Variants in FAM193A observed in about 807,000 individuals in gnomAD.
The protein encoded by FAM193A is protein FAM193A.
Under a neutral mutation model 126.5 loss-of-function variants are expected in FAM193A, and 22 were observed. The observed-to-expected ratio is 0.17, with a 90% CI of 0.12 to 0.25. The LOEUF (loss-of-function observed/expected upper bound fraction) is 0.25, where lower values mean the gene tolerates loss of function less well. FAM193A is among the 10% of genes least tolerant of loss of function. FAM193A has a pLI of 1.00. For missense variants in FAM193A, 1,675 were observed against 1,672.8 expected, an observed-to-expected ratio of 1.00 and a Z score of -0.02; for synonymous variants, 761 against 646.8, an observed-to-expected ratio of 1.18 and a Z score of -2.68.
chr4:2,535,855 G>A (rs1489073626), upstream of FAM193A, among the ~76,000 whole-genome samples: 2 of 152,070 alleles, frequency 1.3e-5, no homozygotes, highest in Non-Finnish European at 2.9e-5. Context: ...TTTAGGCGAG[G>A]GGTTCTCGGG....
intron 13 of FAM193A, among the ~76,000 whole-genome samples, chr4:2,685,472 G>A (rs1015532703): frequency 6.6e-6 from 1 of 152,134 alleles, no homozygotes; most frequent in African/African-American, 2.4e-5. Flanking sequence ...TGTGATCTTC[G>A]ACCTGCATGT....
intron 1 of FAM193A, among the ~76,000 whole-genome samples, chr4:2,544,870 TA>T (rs939431812): frequency 9.3e-5 from 14 of 150,852 alleles, no homozygotes; most frequent in African/African-American, 2.7e-4. Context: ...GACCTCATCT[TA>T]AAAAAAAACA....
At chr4:2,725,540 A>C (rs1720647369) in intron 20 of FAM193A, among the ~76,000 whole-genome samples, 1 of 151,150 alleles carries the variant, frequency 6.6e-6, no homozygotes, top group South Asian at 2.1e-4. Flanking sequence ...CCCCCACCTC[A>C]AGCTGAGTAA....
rs1264190434 is a variant in FAM193A at position 2,700,312 on chromosome 4, C to T, written c.4140C>T (p.Leu1380=). The T allele has an allele frequency of 1.2e-6, 2 of 1,613,884 alleles. No individual in the cohort carries two copies. Among genetic ancestry groups the T allele is most frequent in the Non-Finnish European group, 1.7e-6 (2 of 1,180,010 alleles). ...AGTCAAAGGCTAAGGTGGTCGACCT[C>T]ATGTCCATCACAGAGCAGAAAAGAG... ...QTESKAKVVD[L]MSITEQKREE... Residue 1380 remains leucine, a synonymous_variant, in exon 19 of 21, where the codon CTC becomes CTT. Coordinates refer to ENST00000637812, the MANE Select transcript of FAM193A (RefSeq NM_001366318.2).
At position 2,672,303 on chromosome 4, in the gene FAM193A, T is replaced by C. The variant is rs1329005080; in HGVS notation, c.2262T>C (p.Thr754=). 5.0e-6 allele frequency: 8 copies of C among 1,614,094 alleles called. No individual in the cohort carries two copies. The Admixed American group carries it at 6.7e-5, about 13-fold the overall frequency. The change falls in exon 13 of 21, where the codon ACT becomes ACC. Residue 754 remains threonine, a synonymous_variant. Transcript: ENST00000637812. ...PHIHGHVPLH[T]VPHLPRPLIH... is the part of the protein sequence containing the mutation. ...TCCATGGACATGTGCCTTTGCACACTGTTCCACACCTGCCACGCCCTCTCA... is the reference window on the plus strand; with the variant it reads ...TCCATGGACATGTGCCTTTGCACACCGTTCCACACCTGCCACGCCCTCTCA...
intron 2 of FAM193A, among the ~76,000 whole-genome samples, chr4:2,615,742 C>T (rs1742143572): frequency 6.6e-6 from 1 of 152,194 alleles, no homozygotes; most frequent in Non-Finnish European, 1.5e-5. Flanking sequence ...TGGTCTTGAT[C>T]TCCTGACCTC....
intron 5 of FAM193A, among the ~76,000 whole-genome samples, chr4:2,636,000 A>T (rs1034110782): frequency 2.8e-5 from 4 of 144,936 alleles, no homozygotes; most frequent in Admixed American, 1.4e-4. Context: ...AAAAGGACGA[A>T]TTTTTTTTTT....
At chr4:2,719,488 G>A (rs1268693480) in intron 20 of FAM193A, among the ~76,000 whole-genome samples, 1 of 152,184 alleles carries the variant, frequency 6.6e-6, no homozygotes, top group African/African-American at 2.4e-5. Context: ...GCTCACGCCT[G>A]TAATCCCAGA....
chr4:2,601,227 C>T (rs368052033), intron 2 of FAM193A, among the ~76,000 whole-genome samples: 2 of 110,682 alleles, frequency 1.8e-5, no homozygotes, highest in South Asian at 3.1e-4. Flanking sequence ...TCTTCTTCTT[C>T]TTTTTTTTTT....
At chr4:2,721,437 A>T (rs922590620) in intron 20 of FAM193A, among the ~76,000 whole-genome samples, 8 of 151,772 alleles carry the variant, frequency 5.3e-5, no homozygotes, top group Non-Finnish European at 1.2e-4. Flanking sequence ...TCAGTGAGCT[A>T]TGCTTACGCC....
At chr4:2,708,488 G>A (rs1199268128) in intron 19 of FAM193A, among the ~76,000 whole-genome samples, 1 of 151,598 alleles carries the variant, frequency 6.6e-6, no homozygotes, top group African/African-American at 2.4e-5. Flanking sequence ...TTGAGATGGA[G>A]TTTCATTCTT....
At chr4:2,708,130 G>C in intron 19 of FAM193A, 1 of 447,852 alleles carries the variant, frequency 2.2e-6, no homozygotes, top group Non-Finnish European at 4.5e-6. Context: ...TTGTTTGTTT[G>C]TTTGTTTATT....
intron 15 of FAM193A, among the ~76,000 whole-genome samples, chr4:2,692,708 G>A (rs1716539511): frequency 6.6e-6 from 1 of 152,190 alleles, no homozygotes; most frequent in African/African-American, 2.4e-5. Context: ...GTTGGAAGAG[G>A]CTGGGTTAGT....
intron 6 of FAM193A, 76 bp from the exon 7 acceptor site, chr4:2,646,609 G>T: frequency 7.0e-7 from 1 of 1,437,588 alleles, no homozygotes; most frequent in Non-Finnish European, 9.4e-7. Context: ...GATAGTATCA[G>T]CAGGAAGCAC....
At chr4:2,676,446 T>C (rs971869276) in intron 13 of FAM193A, among the ~76,000 whole-genome samples, 1 of 152,262 alleles carries the variant, frequency 6.6e-6, no homozygotes, top group African/African-American at 2.4e-5. Flanking sequence ...TCATTGTTCA[T>C]TGACTATTCG....
intron 12 of FAM193A, among the ~76,000 whole-genome samples, chr4:2,670,426 G>A (rs761939877): frequency 1.6e-4 from 24 of 151,860 alleles, no homozygotes; most frequent in Non-Finnish European, 3.1e-4. Context: ...CCTGTTAACC[G>A]TTTGACTATT....
chr4:2,675,639 G>A (rs150251586), intron 13 of FAM193A, among the ~76,000 whole-genome samples: 7 of 152,114 alleles, frequency 4.6e-5, no homozygotes, highest in Admixed American at 1.3e-4. Context: ...ATTTATTATA[G>A]TAAAATATGC....
chr4:2,626,334 C>T (rs952869705), intron 3 of FAM193A, 76 bp from the exon 4 acceptor site: 1 of 659,416 alleles, frequency 1.5e-6, no homozygotes, highest in African/African-American at 1.8e-5. Flanking sequence ...CTGGGAGGTC[C>T]TCTGAGGACA....
Position 2,536,972 on chromosome 4 carries a change from CGGCGGCGGCTCG to C in FAM193A, c.63_74del (p.Ser23_Gly26del), listed in dbSNP as rs1736912675. On this transcript the variant is annotated inframe_deletion, in exon 1 of 21. Transcript: ENST00000637812. ...AGCGCCGGAAGAACAAGCGGGGCGG[CGGCGGCGGCTCG>C]GGCGGGGGTAACGGCGGCGCGAGCA... The C allele has an allele frequency of 6.7e-6, 1 of 148,994 alleles. No homozygotes were observed. Among genetic ancestry groups the C allele is most frequent in the Non-Finnish European group, 1.5e-5 (1 of 67,212 alleles). 9.2% of individuals were successfully genotyped at this position (148,994 alleles called of 1,614,324 possible).
Sources: gnomAD v4.1 joint callset for allele counts (sites outside exome capture counted in the v4.1 genomes callset) on GRCh38, gnomAD v4.1.1 for gene constraint, MANE v1.5 for transcripts, NCBI Gene and HGNC (gene_info 2026-07-23, HGNC 2026-07-21) for gene names.